Variants in ACOXL observed in about 807,000 individuals in gnomAD.
ACOXL encodes the protein acyl-CoA oxidase like, also known as acyl-coenzyme A oxidase-like protein.
ACOXL carries 70 observed loss-of-function variants against 71.9 expected under a neutral mutation model. The observed-to-expected ratio is 0.97, with a 90% CI of 0.80 to 1.19. The LOEUF is 1.19. Ranked by LOEUF, ACOXL falls within the 50% of genes most tolerant of loss-of-function variation. The pLI is 0.00. For missense variants in ACOXL, 703 were observed against 736.3 expected, an observed-to-expected ratio of 0.95 and a Z score of 0.52; for synonymous variants, 253 against 281.6, an observed-to-expected ratio of 0.90 and a Z score of 1.02.
chr2:111,061,234 A>G (rs2066798302), intron 16 of ACOXL, among the ~76,000 whole-genome samples: 1 of 152,338 alleles, frequency 6.6e-6, no homozygotes, highest in Middle Eastern at 3.4e-3. Flanking sequence ...TAAAGTTCTG[A>G]AAACTGAAGA....
At chr2:110,832,081 C>G (rs761835358) in intron 9 of ACOXL, among the ~76,000 whole-genome samples, 32 of 152,114 alleles carry the variant, frequency 2.1e-4, no homozygotes, top group Admixed American at 5.9e-4. Flanking sequence ...CCTGTGGTCC[C>G]AGCTACTTGG....
chr2:110,790,464 G>A (rs192843918), intron 3 of ACOXL, among the ~76,000 whole-genome samples: 6 of 152,256 alleles, frequency 3.9e-5, no homozygotes, highest in East Asian at 1.9e-4. Flanking sequence ...TCATTACCTC[G>A]TGTGCTCGAT....
At chr2:110,760,259 C>G (rs1680221651) in intron 1 of ACOXL, among the ~76,000 whole-genome samples, 2 of 151,964 alleles carry the variant, frequency 1.3e-5, no homozygotes, top group African/African-American at 2.4e-5. Context: ...CCTGCCTCAG[C>G]CTCCCGAGTA....
chr2:110,788,382 T>C (rs550871582), intron 3 of ACOXL, among the ~76,000 whole-genome samples: 1 of 152,288 alleles, frequency 6.6e-6, no homozygotes, highest in East Asian at 1.9e-4. Context: ...AAGCCAGACA[T>C]AAGAGGACAA....
chr2:111,033,114 C>T (rs2065350497), intron 15 of ACOXL, among the ~76,000 whole-genome samples: 1 of 152,214 alleles, frequency 6.6e-6, no homozygotes, highest in South Asian at 2.1e-4. Context: ...TGACCACACT[C>T]TGAAATGACC....
At chr2:110,738,622 C>T (rs1258480243) in intron 1 of ACOXL, among the ~76,000 whole-genome samples, 2 of 152,182 alleles carry the variant, frequency 1.3e-5, no homozygotes, top group East Asian at 3.8e-4. Flanking sequence ...TCCCTCCCTA[C>T]TGGAAGCTTC....
intron 1 of ACOXL, among the ~76,000 whole-genome samples, chr2:110,762,998 A>G (rs1427575798): frequency 6.6e-6 from 1 of 152,208 alleles, no homozygotes; most frequent in Non-Finnish European, 1.5e-5. Flanking sequence ...TGAGTACCAC[A>G]TCAGATGGTT....
intron 14 of ACOXL, among the ~76,000 whole-genome samples, chr2:111,006,007 C>T (rs2063855387): frequency 6.6e-6 from 1 of 152,216 alleles, no homozygotes; most frequent in Non-Finnish European, 1.5e-5. Flanking sequence ...AGATGTTTTA[C>T]AACAATCTCA....
At chr2:110,784,864 AT>A in intron 3 of ACOXL, 49 bp downstream of exon 3, 1 of 1,524,544 alleles carries the variant, frequency 6.6e-7, no homozygotes, top group Non-Finnish European at 8.9e-7. Context: ...CTCGCTTTGC[AT>A]GCCAAGGAAT....
chr2:110,994,429 G>A (rs555549598), intron 13 of ACOXL, among the ~76,000 whole-genome samples: 1 of 129,502 alleles, frequency 7.7e-6, no homozygotes, highest in South Asian at 2.8e-4. Context: ...TTCTGATTGA[G>A]CAACAACAGC....
At chr2:110,767,923 AACAC>A (rs58524964) in intron 1 of ACOXL, among the ~76,000 whole-genome samples, 21,158 of 113,998 alleles carry the variant, frequency 0.19, 2,037 homozygotes, top group Middle Eastern at 0.24. Context: ...GTCTCTACTA[AACAC>A]ACACACACAC....
intron 9 of ACOXL, among the ~76,000 whole-genome samples, chr2:110,812,634 T>G (rs1159472151): frequency 6.6e-6 from 1 of 152,270 alleles, no homozygotes; most frequent in African/African-American, 2.4e-5. Context: ...ACATTTCTCC[T>G]TAAAAGATAC....
intron 16 of ACOXL, among the ~76,000 whole-genome samples, chr2:111,064,456 A>AG (rs1558929820): frequency 1.3e-5 from 2 of 151,380 alleles, no homozygotes; most frequent in South Asian, 2.1e-4. Context: ...CAAAAAAAAA[A>AG]CAACAACTAT....
chr2:110,804,074 C>T (rs1686329461), intron 8 of ACOXL, among the ~76,000 whole-genome samples: 1 of 150,416 alleles, frequency 6.6e-6, no homozygotes, highest in Admixed American at 6.6e-5. Context: ...GCAACCTCTG[C>T]CTCCTGGGTT....
chr2:110,927,952 A>G (rs1393032422), intron 11 of ACOXL, among the ~76,000 whole-genome samples: 1 of 152,212 alleles, frequency 6.6e-6, no homozygotes, highest in African/African-American at 2.4e-5. Flanking sequence ...TGCTACAGGG[A>G]TGAATTTCCT....
chr2:110,979,311 C>T (rs1202829106), intron 12 of ACOXL, among the ~76,000 whole-genome samples: 3 of 152,170 alleles, frequency 2.0e-5, no homozygotes, highest in East Asian at 1.9e-4. Flanking sequence ...TTCTGTCCAG[C>T]GTCCAGTTCC....
chr2:110,817,972 T>A (rs1018300485), intron 9 of ACOXL, among the ~76,000 whole-genome samples: 5 of 150,862 alleles, frequency 3.3e-5, no homozygotes, highest in Non-Finnish European at 7.4e-5. Flanking sequence ...TTTTTTTTTT[T>A]AGGGACTGAT....
At chr2:110,799,910 C>T (rs1470377719) in intron 7 of ACOXL, among the ~76,000 whole-genome samples, 1 of 152,122 alleles carries the variant, frequency 6.6e-6, no homozygotes, top group Non-Finnish European at 1.5e-5. Context: ...CTGTAAAATG[C>T]ACCAATCAGC....
intron 16 of ACOXL, among the ~76,000 whole-genome samples, chr2:111,091,654 T>C (rs2068530002): frequency 6.6e-6 from 1 of 152,230 alleles, no homozygotes; most frequent in African/African-American, 2.4e-5. Context: ...CTAACATCTT[T>C]ATTGGTGTCA....
Sources: gnomAD v4.1 joint callset for allele counts (sites outside exome capture counted in the v4.1 genomes callset) on GRCh38, gnomAD v4.1.1 for gene constraint, MANE v1.5 for transcripts, NCBI Gene and HGNC (gene_info 2026-07-23, HGNC 2026-07-21) for gene names.